The following SGTA variants were observed in gnomAD, a reference collection of about 807,000 sequenced individuals.
The protein encoded by SGTA is small glutamine rich tetratricopeptide repeat co-chaperone alpha, also known as small glutamine-rich tetratricopeptide repeat-containing protein alpha.
In SGTA, 22 loss-of-function variants were observed where a neutral mutation model predicts 44.3. The observed-to-expected ratio is 0.50, with a 90% confidence interval of 0.36 to 0.71. The LOEUF (loss-of-function observed/expected upper bound fraction) is 0.71, where lower values mean the gene tolerates loss of function less well. Ranked by LOEUF, SGTA falls within the 30% of genes least tolerant of loss-of-function variation. The probability of loss-of-function intolerance (pLI) is 0.00; values close to 1 mark genes in which losing one functional copy is unlikely to be tolerated. For missense variants in SGTA, 341 were observed against 435.9 expected (o/e 0.78, Z 1.94); for synonymous variants, 174 against 177.6 (o/e 0.98, Z 0.16).
In SGTA at chr19:2,755,677, T is replaced by G. The variant is rs1248892261; in HGVS notation, c.*263A>C. 5.1e-6 allele frequency: 5 copies of G among 985,376 alleles called. No individual in the cohort carries two copies. In the African/African-American group the frequency reaches 7.0e-5, roughly 14 times the overall value. The allele number at this position is 985,376 out of a possible 1,614,324, so 61.0% of individuals were successfully genotyped here. On this transcript the variant is annotated 3_prime_UTR_variant, in exon 12 of 12. Coordinates refer to ENST00000221566, the MANE Select transcript of SGTA (RefSeq NM_003021.4). The surrounding 1 kb of genome is among the most constrained non-coding windows in gnomAD (Gnocchi z 5.2). ...AAAACACTCAAGTGACCGAGCTTTC[T>G]GGGGGCTGGAAGGGAGGTCGCTGCT...
At position 2,763,135 on chromosome 19, in the gene SGTA, G is replaced by A. The variant is rs1915048303; in HGVS notation, c.498-491C>T. 6.6e-6 allele frequency among the ~76,000 whole-genome samples: 1 copy of A among 152,176 alleles called. No homozygotes were observed. The highest frequency in any genetic ancestry group is 6.5e-5 in the Admixed American group (1 of 15,288). Reference sequence around the variant, plus strand: ...GAGGAGGCGGGTCCTGGGGAGACTGGGCAGTTGAACAGGGCCCCTCCCCAG... The same window carrying A: ...GAGGAGGCGGGTCCTGGGGAGACTGAGCAGTTGAACAGGGCCCCTCCCCAG... On this transcript the variant is annotated intron_variant, in intron 6 of 11. Transcript: ENST00000221566. The surrounding 1 kb of genome is among the most constrained non-coding windows in gnomAD (Gnocchi z 5.8).
intron 8 of SGTA, among the ~76,000 whole-genome samples, chr19:2,760,698 TC>T (rs1034116583): frequency 6.6e-6 from 1 of 151,912 alleles, no homozygotes; most frequent in Admixed American, 6.6e-5. Context: ...GAGAACATAT[TC>T]CCCTGGCAGC....
Position 2,755,398 on chromosome 19 carries a change from C to T in SGTA, c.*542G>A, listed in dbSNP as rs1914792176. The T allele has an allele frequency of 4.0e-5, 40 of 987,704 alleles. No homozygotes were observed. Among genetic ancestry groups the T allele is most frequent in the Admixed American group, 6.1e-5 (1 of 16,298 alleles). The allele number at this position is 987,704 out of a possible 1,614,324, so 61.2% of individuals were successfully genotyped here. On this transcript the variant is annotated 3_prime_UTR_variant, in exon 12 of 12. Coordinates refer to ENST00000221566, the MANE Select transcript of SGTA (RefSeq NM_003021.4). The surrounding 1 kb of genome is among the most constrained non-coding windows in gnomAD (Gnocchi z 5.2). ...AGGTGTCTGCCACTAAAGAGTTCCT[C>T]ATGCAAACACACATGGCCCGCGGTG...
intron 8 of SGTA, 57 bp from the exon 9 acceptor site, chr19:2,759,351 T>A: frequency 6.6e-7 from 1 of 1,519,266 alleles, no homozygotes; most frequent in Non-Finnish European, 9.1e-7. Context: ...TCATTCTCTT[T>A]CATCAGACAC....
At chr19:2,768,594 T>G (rs1436575423) in intron 2 of SGTA, among the ~76,000 whole-genome samples, 1 of 152,182 alleles carries the variant, frequency 6.6e-6, no homozygotes, top group East Asian at 1.9e-4. Context: ...TCTGGGACTC[T>G]GGGGCGGGGC....
At chr19:2,762,819 G>C (rs1485349735) in intron 6 of SGTA, among the ~76,000 whole-genome samples, 175 bp from the exon 7 acceptor site, 10 of 152,122 alleles carry the variant, frequency 6.6e-5, no homozygotes, top group Non-Finnish European at 8.8e-5. Flanking sequence ...CCAGGGGCAG[G>C]ACTGAGGGAG....
intron 1 of SGTA, among the ~76,000 whole-genome samples, chr19:2,771,865 G>A (rs1373430776): frequency 6.6e-6 from 1 of 152,236 alleles, no homozygotes; most frequent in African/African-American, 2.4e-5. Context: ...CTGTTCTTGC[G>A]ATGAGGTTCC....
chr19:2,783,088 C>G (rs1248356812), intron 1 of SGTA, 145 bp downstream of exon 1: 1 of 152,296 alleles, frequency 6.6e-6, no homozygotes, highest in African/African-American at 2.4e-5. Flanking sequence ...CTCAGTTTCC[C>G]CTCCGCACCG....
intron 1 of SGTA, among the ~76,000 whole-genome samples, 191 bp from the exon 2 acceptor site, chr19:2,769,282 C>T (rs948548586): frequency 6.6e-6 from 1 of 152,186 alleles, no homozygotes; most frequent in South Asian, 2.1e-4. Flanking sequence ...CTCACCAATC[C>T]GGCTATGCAC....
Position 2,767,810 on chromosome 19 carries a change from C to T in SGTA, c.101-124G>A, listed in dbSNP as rs1028765062. ...GTGTTCATTCCCAAGGACCCCAGAA[C>T]GCAGGGGCCGCCGCCTGTGCTCTGG... is the stretch of plus-strand genomic sequence containing the variant. On this transcript the variant is annotated intron_variant, in intron 2 of 11. Coordinates refer to ENST00000221566, the MANE Select transcript of SGTA (RefSeq NM_003021.4). The surrounding 1 kb of genome is among the most constrained non-coding windows in gnomAD (Gnocchi z 7.3). 2.1e-5 allele frequency: 15 copies of T among 715,692 alleles called. No homozygotes were observed. In the East Asian group the frequency reaches 2.2e-4, roughly 10 times the overall value. The allele number at this position is 715,692 out of a possible 1,614,324, so 44.3% of individuals were successfully genotyped here. A position where few individuals can be genotyped will look rare whatever the true frequency, so the allele number is the denominator to read the frequency against.
In SGTA at chr19:2,755,547, G is replaced by A. The variant is rs1360215837; in HGVS notation, c.*393C>T. ...CCTGCAGACAGACCACGGGATGGGG[G>A]GCGGGGGCTGTAAAAGGCTTTGGAA... On this transcript the variant is annotated 3_prime_UTR_variant, in exon 12 of 12. Coordinates refer to ENST00000221566, the MANE Select transcript of SGTA (RefSeq NM_003021.4). The surrounding 1 kb of genome is among the most constrained non-coding windows in gnomAD (Gnocchi z 5.2). 5.1e-6 allele frequency: 5 copies of A among 986,094 alleles called. No individual in the cohort carries two copies. The African/African-American group carries it at 7.0e-5, about 14-fold the overall frequency. The allele number at this position is 986,094 out of a possible 1,614,324, so 61.1% of individuals were successfully genotyped here. A position where few individuals can be genotyped will look rare whatever the true frequency, so the allele number is the denominator to read the frequency against.
At chr19:2,776,453 C>G (rs1166890000) in intron 1 of SGTA, among the ~76,000 whole-genome samples, 1 of 152,166 alleles carries the variant, frequency 6.6e-6, no homozygotes, top group Non-Finnish European at 1.5e-5. Flanking sequence ...AACAAAGGTA[C>G]AAAACCTGTG....
chr19:2,762,717 C>T, intron 6 of SGTA, 73 bp from the exon 7 acceptor site: 1 of 1,579,816 alleles, frequency 6.3e-7, no homozygotes, highest in East Asian at 2.2e-5. Flanking sequence ...GCCCTCGTCC[C>T]CGGCGGTCCT....
chr19:2,763,682 C>G lies in SGTA; in HGVS notation c.468G>C (p.Pro156=). 1 of 1,613,526 alleles carries G rather than the reference C, an allele frequency of 6.2e-7. No individual in the cohort carries two copies. The highest frequency in any genetic ancestry group is 8.5e-7 in the Non-Finnish European group (1 of 1,179,858). ...TCCTGCCGTAGGCCTTGCTGTAGGC[C>G]GGGTCAATGCAGATGGCCCGCTCAC... is the stretch of plus-strand genomic sequence containing the variant. The part of the protein sequence containing the change: ...QDCERAICID[P]AYSKAYGRMG... The change falls in exon 6 of 12, where the codon CCG becomes CCC. Residue 156 remains proline, a synonymous_variant. Transcript: ENST00000221566. The surrounding 1 kb of genome is among the most constrained non-coding windows in gnomAD (Gnocchi z 5.8).
intron 1 of SGTA, chr19:2,770,872 AT>A (rs1915286538): frequency 6.5e-6 from 1 of 153,262 alleles, no homozygotes; most frequent in Non-Finnish European, 1.5e-5. Context: ...CTGCACCTTC[AT>A]CTCAGACTTC....
chr19:2,757,291 G>A (rs1028044256), intron 11 of SGTA, 46 bp downstream of exon 11: 4 of 1,587,402 alleles, frequency 2.5e-6, no homozygotes, highest in Middle Eastern at 1.8e-4. Context: ...CTCACGTGGT[G>A]TCACTCCTGC....
chr19:2,778,151 AG>A (rs1225864475), intron 1 of SGTA: 2 of 152,206 alleles, frequency 1.3e-5, no homozygotes, highest in African/African-American at 4.8e-5. Context: ...TACCAGTGAC[AG>A]CTGGAACTCG....
At position 2,761,508 on chromosome 19, in the gene SGTA, G is replaced by A. The variant is rs751296458; in HGVS notation, c.651C>T (p.Gly217=). ...TCAGCAGGCCGGCGATGTCGAAGCT[G>A]CCCACGCCTCCCGTCTGAGGATGAG... ...REAPSPTGGV[G]SFDIAGLLNN... The change falls in exon 8 of 12, where the codon GGC becomes GGT. Residue 217 remains glycine (G), a synonymous_variant. Transcript: ENST00000221566. The surrounding 1 kb of genome is among the most constrained non-coding windows in gnomAD (Gnocchi z 5.7). The A allele has an allele frequency of 1.3e-6, 2 of 1,551,468 alleles. No homozygotes were observed. The highest frequency in any genetic ancestry group is 8.7e-7 in the Non-Finnish European group (1 of 1,146,854).
intron 1 of SGTA, 42 bp from the exon 2 acceptor site, chr19:2,769,133 C>T: frequency 7.7e-7 from 1 of 1,302,802 alleles, no homozygotes; most frequent in South Asian, 1.2e-5. Context: ...CCCTCACACT[C>T]CCCACTCCAG....
Sources: allele counts gnomAD v4.1 joint callset (sites outside exome capture counted in the v4.1 genomes callset), GRCh38; gene constraint gnomAD v4.1.1; non-coding constraint Gnocchi (gnomAD v3.1); transcripts MANE v1.5; gene names NCBI Gene and HGNC (gene_info 2026-07-23, HGNC 2026-07-21).